USP19: variants seen among roughly 807,000 people sequenced by gnomAD.
USP19 encodes ubiquitin specific peptidase 19.
A neutral mutation model predicts 144.8 loss-of-function variants in USP19; 40 were observed. That is an observed-to-expected ratio of 0.28 (90% CI 0.21 to 0.36). USP19 has a LOEUF of 0.36. Ranked by LOEUF, USP19 falls within the 10% of genes least tolerant of loss-of-function variation. The pLI is 1.00. For synonymous variants in USP19, 701 were observed against 709.3 expected (o/e 0.99, Z 0.19); for missense variants, 1,518 against 1,822.5 (o/e 0.83, Z 3.04).
At chr3:49,109,048 G>A (rs1365144590) in intron 26 of USP19, 2 of 1,612,938 alleles carry the variant, frequency 1.2e-6, no homozygotes, top group Admixed American at 1.7e-5. Context: ...CAAAGTACCG[G>A]AGGCAGCCCT....
Position 49,116,098 on chromosome 3 carries a change from G to A in USP19, c.1420C>T (p.Arg474Cys). ...FTASRIDICL[R>C]KRQSQRWGGL... The stretch of plus-strand genomic sequence containing the variant: ...CCCCAGCGCTGACTCTGCCTCTTAC[G>A]AAGGCAGATGTCGATGCGAGAAGCC... Residue 474 changes from arginine (R) to cysteine (C), a missense_variant, in exon 10 of 27, where the codon CGT (arginine) becomes TGT (cysteine). Coordinates refer to ENST00000417901, the MANE Select transcript of USP19 (RefSeq NM_001199161.2). This position sits in a 1 kb window ranked among gnomAD's most constrained non-coding sequence, Gnocchi z 5.0. 2 of 1,612,920 alleles carry A rather than the reference G, an allele frequency of 1.2e-6. No homozygotes were observed. The highest frequency in any genetic ancestry group is 1.7e-6 in the Non-Finnish European group (2 of 1,179,726).
At chr3:49,120,140 T>C (rs746130799) in intron 1 of USP19, among the ~76,000 whole-genome samples, 2 of 152,160 alleles carry the variant, frequency 1.3e-5, no homozygotes, top group African/African-American at 2.4e-5. Flanking sequence ...TGAAACTAGA[T>C]ACTGAGATGA....
rs763285376 is a variant in USP19, at chr3:49,117,659, G to A, written c.470C>T (p.Ala157Val). The change falls in exon 4 of 27, where the codon GCA becomes GTA. Residue 157 changes from alanine to valine, a missense_variant and splice_region_variant. This residue lies in a region of USP19 where 707 missense variants were observed against 728.9 expected (regional missense o/e 0.97). Transcript: ENST00000417901. The surrounding 1 kb of genome is among the most constrained non-coding windows in gnomAD (Gnocchi z 4.4). Reference sequence around the variant, plus strand: ...GTGCTCAGGGCAGATGGACACACCTGCAAACCGCACCACACAGTCTGTATC... The same window carrying A: ...GTGCTCAGGGCAGATGGACACACCTACAAACCGCACCACACAGTCTGTATC... ...FTDTDCVVRF[A>V]GGQQWGGVFY... is the part of the protein sequence containing the mutation. The A allele has an allele frequency of 1.9e-6, 3 of 1,614,058 alleles. No individual in the cohort carries two copies. Among genetic ancestry groups the A allele is most frequent in the South Asian group, 1.1e-5 (1 of 91,082 alleles).
chr3:49,109,240 C>G, intron 26 of USP19: 1 of 1,445,560 alleles, frequency 6.9e-7, no homozygotes, highest in Non-Finnish European at 9.1e-7. Flanking sequence ...GACCCAGTGT[C>G]CCTGAGACCC....
chr3:49,112,587 A>G lies in USP19; in HGVS notation c.2548T>C (p.Ser850Pro). The change falls in exon 18 of 27, where the codon TCA becomes CCA. Residue 850 changes from serine (S) to proline (P), a missense_variant. Physicochemically the swap from Ser to Pro is moderately conservative, Grantham distance 74. Around this residue, in one of 5 missense-constraint regions of USP19, gnomAD observed 413 missense variants for 515.8 expected, o/e 0.80. Transcript: ENST00000417901. The surrounding 1 kb of genome is among the most constrained non-coding windows in gnomAD (Gnocchi z 4.9). ...RFHRVFLPSHSLDTVSPSDTL... is the reference protein window; with the variant it reads ...RFHRVFLPSHPLDTVSPSDTL... Reference sequence around the variant, plus strand: ...TCAGATGGGGACACAGTGTCCAGTGAGTGGGAGGGTAGGAACACACGATGA... The same window carrying G: ...TCAGATGGGGACACAGTGTCCAGTGGGTGGGAGGGTAGGAACACACGATGA... 1 of 1,614,074 alleles carries G rather than the reference A, an allele frequency of 6.2e-7. No individual in the cohort carries two copies. The highest frequency in any genetic ancestry group is 8.5e-7 in the Non-Finnish European group (1 of 1,179,954).
chr3:49,116,755 C>G lies in USP19; in HGVS notation c.1098G>C (p.Val366=), dbSNP rs375999085. Residue 366 remains valine, a synonymous_variant, in exon 7 of 27, where the codon GTG becomes GTC. Transcript: ENST00000417901. This position sits in a 1 kb window ranked among gnomAD's most constrained non-coding sequence, Gnocchi z 5.0. ...CCACCAAGGTTGCAGCATCTGCTGC[C>G]ACTGCCATCTCCTCCTTGGCACAGT... is the stretch of plus-strand genomic sequence containing the variant. ...KDDCAKEEMA[V]AADAATLVDE... 1 of 1,612,532 alleles carries G rather than the reference C, an allele frequency of 6.2e-7. No individual in the cohort carries two copies. The highest frequency in any genetic ancestry group is 8.5e-7 in the Non-Finnish European group (1 of 1,178,996).
intron 26 of USP19, among the ~76,000 whole-genome samples, chr3:49,109,721 G>A (rs984819819): frequency 6.6e-6 from 1 of 152,242 alleles, no homozygotes; most frequent in Non-Finnish European, 1.5e-5. Context: ...TGAAGGCTCA[G>A]CAAAGACAGA....
In USP19 at chr3:49,115,930, C is replaced by T. The variant is rs2044024654; in HGVS notation, c.1486G>A (p.Ala496Thr). The T allele has an allele frequency of 1.3e-6, 2 of 1,559,696 alleles. No individual in the cohort carries two copies. The highest frequency in any genetic ancestry group is 1.7e-6 in the Non-Finnish European group (2 of 1,154,486). ...GGACCTGTCGGCACGGCAACCTTTG[C>T]ACCACCCACTGCACCTTAAAAAGGG... is the stretch of plus-strand genomic sequence containing the variant. ...APAARGAVGG[A>T]KVAVPTGPTP... The change falls in exon 11 of 27, where the codon GCA (alanine) becomes ACA (threonine). Residue 496 changes from alanine to threonine, a missense_variant. Ala to Thr is a moderately conservative substitution (Grantham distance 58). Transcript: ENST00000417901. This position sits in a 1 kb window ranked among gnomAD's most constrained non-coding sequence, Gnocchi z 6.6.
chr3:49,114,868 T>C lies in USP19; in HGVS notation c.2187A>G (p.Val729=). Residue 729 remains valine (V), a synonymous_variant, in exon 15 of 27, where the codon GTA becomes GTG. Transcript: ENST00000417901. This position sits in a 1 kb window ranked among gnomAD's most constrained non-coding sequence, Gnocchi z 4.5. ...VDSDGRPDEV[V]AEEAWQRHKM... ...TGTGCCGCTGCCATGCTTCCTCAGC[T>C]ACCACCTGAGAGGCAGAGTGGTGAG... The C allele has an allele frequency of 6.2e-7, 1 of 1,614,160 alleles. No homozygotes were observed. The highest frequency in any genetic ancestry group is 8.5e-7 in the Non-Finnish European group (1 of 1,180,032).
At position 49,115,774 on chromosome 3, in the gene USP19, G is replaced by T. The variant is rs571806976; in HGVS notation, c.1642C>A (p.Arg548Ser). Residue 548 changes from arginine (R) to serine (S), a missense_variant, in exon 11 of 27, where the codon CGC becomes AGC. Arg to Ser is a moderately radical substitution (Grantham distance 110, BLOSUM62 -1). Coordinates refer to ENST00000417901, the MANE Select transcript of USP19 (RefSeq NM_001199161.2). This position sits in a 1 kb window ranked among gnomAD's most constrained non-coding sequence, Gnocchi z 6.6. Reference protein sequence around the residue: ...EDTGLDSVATRTPMEHVTPKP... With the variant: ...EDTGLDSVATSTPMEHVTPKP... The stretch of plus-strand genomic sequence containing the variant: ...GGGGTTACATGCTCCATGGGTGTGC[G>T]GGTTGCCACACTGTCTAGCCCTGTG... The T allele has an allele frequency of 6.2e-7, 1 of 1,613,834 alleles. No individual in the cohort carries two copies. The highest frequency in any genetic ancestry group is 1.3e-5 in the African/African-American group (1 of 75,038).
Position 49,117,211 on chromosome 3 carries a change from C to T in USP19, c.757G>A (p.Glu253Lys). ...CCGGGGCCAGCCCCTGCGCCTACCT[C>T]ACCACGGCCCTGGGCCCGCTTCTGG... ...RNQKRAQGRG[E>K]VGAGAGPGAQ... Residue 253 changes from glutamate to lysine, a missense_variant, in exon 6 of 27, where the codon GAG (glutamate) becomes AAG (lysine). Physicochemically the swap from Glu to Lys is moderately conservative, Grantham distance 56. Around this residue, in one of 5 missense-constraint regions of USP19, gnomAD observed 707 missense variants for 728.9 expected, o/e 0.97. Transcript: ENST00000417901. This position sits in a 1 kb window ranked among gnomAD's most constrained non-coding sequence, Gnocchi z 4.4. The T allele has an allele frequency of 6.5e-7, 1 of 1,548,372 alleles. No individual in the cohort carries two copies. The highest frequency in any genetic ancestry group is 1.4e-5 in the African/African-American group (1 of 73,190).
chr3:49,110,023 T>G lies in USP19; in HGVS notation c.4038+161A>C, dbSNP rs2042901697. 7.6e-6 allele frequency: 6 copies of G among 788,782 alleles called. No homozygotes were observed. The highest frequency in any genetic ancestry group is 1.1e-5 in the Non-Finnish European group (6 of 550,334). 48.9% of individuals were successfully genotyped at this position (788,782 alleles called of 1,614,324 possible). ...TGTTAGTGTCCCCAAGGCATGGGGA[T>G]GCCTCTGGCTAAAGCTTTGATGTTA... On this transcript the variant is annotated intron_variant, in intron 26 of 26. Transcript: ENST00000417901. The surrounding 1 kb of genome is among the most constrained non-coding windows in gnomAD (Gnocchi z 6.1).
At chr3:49,113,913 G>T in intron 17 of USP19, 79 bp downstream of exon 17, 1 of 1,468,318 alleles carries the variant, frequency 6.8e-7, no homozygotes, top group Non-Finnish European at 9.5e-7. Context: ...GTCTGTAGAT[G>T]CCAATGACTG....
At position 49,116,206 on chromosome 3, in the gene USP19, T is replaced by C. The variant is rs928487736; in HGVS notation, c.1356-44A>G. The stretch of plus-strand genomic sequence containing the variant: ...CTCAGGGACTTAGGAGGAATGAGCA[T>C]CAGGATAGATGAGCCAGGGAGATGG... On this transcript the variant is annotated intron_variant, in intron 9 of 26. Coordinates refer to ENST00000417901, the MANE Select transcript of USP19 (RefSeq NM_001199161.2). The surrounding 1 kb of genome is among the most constrained non-coding windows in gnomAD (Gnocchi z 5.0). The C allele has an allele frequency of 3.7e-6, 6 of 1,613,590 alleles. No individual in the cohort carries two copies. Among genetic ancestry groups the C allele is most frequent in the Admixed American group, 3.3e-5 (2 of 59,962 alleles).
Position 49,110,042 on chromosome 3 carries a change from G to T in USP19, c.4038+142C>A, listed in dbSNP as rs2042904376. 2 of 1,004,470 alleles carry T rather than the reference G, an allele frequency of 2.0e-6. No individual in the cohort carries two copies. The highest frequency in any genetic ancestry group is 2.7e-6 in the Non-Finnish European group (2 of 736,688). The allele number at this position is 1,004,470 out of a possible 1,614,324, so 62.2% of individuals were successfully genotyped here. A position where few individuals can be genotyped will look rare whatever the true frequency, so the allele number is the denominator to read the frequency against. On this transcript the variant is annotated intron_variant, in intron 26 of 26. Transcript: ENST00000417901. The surrounding 1 kb of genome is among the most constrained non-coding windows in gnomAD (Gnocchi z 6.1). The stretch of plus-strand genomic sequence containing the variant: ...TGGGGATGCCTCTGGCTAAAGCTTT[G>T]ATGTTAAGAGAACTCTGCAATTCTC...
In USP19 at chr3:49,114,497, C is replaced by T. The variant is rs1417517330; in HGVS notation, c.2293-213G>A. Among the ~76,000 whole-genome samples, 1 of 152,206 alleles carries T rather than the reference C, an allele frequency of 6.6e-6. No individual in the cohort carries two copies. Among genetic ancestry groups the T allele is most frequent in the Non-Finnish European group, 1.5e-5 (1 of 68,040 alleles). On this transcript the variant is annotated intron_variant, in intron 15 of 26. Coordinates refer to ENST00000417901, the MANE Select transcript of USP19 (RefSeq NM_001199161.2). This position sits in a 1 kb window ranked among gnomAD's most constrained non-coding sequence, Gnocchi z 4.5. ...CACTCAAAGCCCTACTCAGCTTAGC[C>T]ACTTTACGAATTGGCCTCACACTTG... is the stretch of plus-strand genomic sequence containing the variant.
Position 49,118,054 on chromosome 3 carries a change from G to A in USP19, c.191C>T (p.Ser64Leu). Reference protein sequence around the residue: ...EPLASGDPSASASHAAGITGS... With the variant: ...EPLASGDPSALASHAAGITGS... ...TGTGATCCCAGCTGCATGGGAGGCT[G>A]AGGCAGAAGGATCACCTGAGGCCAG... Residue 64 changes from serine to leucine, a missense_variant, in exon 3 of 27, where the codon TCA becomes TTA. Coordinates refer to ENST00000417901, the MANE Select transcript of USP19 (RefSeq NM_001199161.2). 1 of 1,590,530 alleles carries A rather than the reference G, an allele frequency of 6.3e-7. No individual in the cohort carries two copies. The highest frequency in any genetic ancestry group is 8.5e-7 in the Non-Finnish European group (1 of 1,171,826).
chr3:49,119,283 T>A lies in USP19; in HGVS notation c.-136-2A>T. On this transcript the variant is annotated splice_acceptor_variant, in intron 1 of 26. Transcript: ENST00000417901. LOFTEE classifies it low-confidence loss of function (5UTR_SPLICE). The stretch of plus-strand genomic sequence containing the variant: ...ATTCTCCAGCAAGGAACGGACAGCC[T>A]AATGGAAAGAAGCCAGTGATCACTG... 1 of 1,226,852 alleles carries A rather than the reference T, an allele frequency of 8.2e-7. No individual in the cohort carries two copies. The highest frequency in any genetic ancestry group is 1.1e-6 in the Non-Finnish European group (1 of 904,642). 76.0% of individuals were successfully genotyped at this position (1,226,852 alleles called of 1,614,324 possible).
chr3:49,119,905 C>A (rs778343190), intron 1 of USP19, among the ~76,000 whole-genome samples: 88 of 152,160 alleles, frequency 5.8e-4, no homozygotes, highest in Non-Finnish European at 1.1e-3. Flanking sequence ...CTGTCCCAAG[C>A]AGAAAGGGAC....
Sources: gnomAD v4.1 joint callset for allele counts (sites outside exome capture counted in the v4.1 genomes callset) on GRCh38, gnomAD v4.1.1 for gene constraint, gnomAD v4.1.1 regional missense constraint, Gnocchi (gnomAD v3.1) non-coding constraint, MANE v1.5 for transcripts, NCBI Gene and HGNC (gene_info 2026-07-23, HGNC 2026-07-21) for gene names.